TMEM132D: variants seen among roughly 807,000 people sequenced by gnomAD.
TMEM132D encodes the protein mature OL transmembrane protein.
In TMEM132D, 21 loss-of-function variants were observed where a neutral mutation model predicts 62.3. That is an observed-to-expected ratio of 0.34 (90% CI 0.24 to 0.49). TMEM132D has a LOEUF of 0.49. TMEM132D is among the 20% of genes least tolerant of loss of function. The pLI is 0.99. For synonymous variants in TMEM132D, 621 were observed against 575.6 expected (o/e 1.08, Z -1.13); for missense variants, 1,346 against 1,402.8 (o/e 0.96, Z 0.65).
chr12:129,164,792 T>C (rs1035041352), intron 5 of TMEM132D, among the ~76,000 whole-genome samples: 1 of 152,206 alleles, frequency 6.6e-6, no homozygotes, highest in Non-Finnish European at 1.5e-5. Flanking sequence ...CTCCACCTGG[T>C]ATCTCCCTTG....
chr12:129,803,789 C>G (rs1047541186), intron 1 of TMEM132D, among the ~76,000 whole-genome samples: 1 of 151,456 alleles, frequency 6.6e-6, no homozygotes, highest in Non-Finnish European at 1.5e-5. Flanking sequence ...AGATAGACCG[C>G]TAGCAAGACT....
intron 2 of TMEM132D, among the ~76,000 whole-genome samples, chr12:129,608,845 A>T (rs1320350448): frequency 1.3e-5 from 2 of 152,150 alleles, no homozygotes; most frequent in East Asian, 3.9e-4. Context: ...ACTCGCACTC[A>T]AATTGCCTGG....
intron 1 of TMEM132D, among the ~76,000 whole-genome samples, chr12:129,832,585 T>C (rs1322759959): frequency 6.6e-6 from 1 of 152,062 alleles, no homozygotes; most frequent in East Asian, 1.9e-4. Flanking sequence ...CATATCTGAG[T>C]ATTTTTGTGG....
chr12:129,513,805 T>TTTA (rs1381520859), intron 3 of TMEM132D, among the ~76,000 whole-genome samples: 3 of 47,488 alleles, frequency 6.3e-5, no homozygotes, highest in Non-Finnish European at 9.6e-5. Context: ...AATTTTTATT[T>TTTA]TTATTTATTT....
intron 1 of TMEM132D, among the ~76,000 whole-genome samples, chr12:129,876,029 A>G (rs1392969845): frequency 6.6e-6 from 1 of 152,134 alleles, no homozygotes; most frequent in Non-Finnish European, 1.5e-5. Flanking sequence ...TGTTTTCAGC[A>G]TTGTTAAAAT....
intron 3 of TMEM132D, among the ~76,000 whole-genome samples, chr12:129,453,342 C>G (rs1352477284): frequency 6.6e-6 from 1 of 151,780 alleles, no homozygotes; most frequent in Non-Finnish European, 1.5e-5. Context: ...CGCAAGGTGT[C>G]TCTTTGCCTG....
intron 4 of TMEM132D, among the ~76,000 whole-genome samples, chr12:129,215,325 T>C (rs949094006): frequency 9.9e-5 from 15 of 152,100 alleles, no homozygotes; most frequent in African/African-American, 3.6e-4. Flanking sequence ...CTGGGGCCTA[T>C]GTGAGGGTGG....
At position 129,103,750 on chromosome 12, in the gene TMEM132D, GACAA is replaced by G. The variant is rs535419776; in HGVS notation, c.1444-19052_1444-19049del. On this transcript the variant is annotated intron_variant, in intron 5 of 8. Transcript: ENST00000422113. ...CAAGCATTCCTATACACCAACAACA[GACAA>G]ACAGAGAGCCAAATCATGAGTGAAC... is the stretch of plus-strand genomic sequence containing the variant. Among the ~76,000 whole-genome samples the G allele has an allele frequency of 8.5e-4, 129 of 152,232 alleles. 1 individual carries two copies. The South Asian group carries it at 9.8e-3, about 12-fold the overall frequency.
chr12:129,254,330 A>G (rs1214766958), intron 4 of TMEM132D, among the ~76,000 whole-genome samples: 1 of 152,212 alleles, frequency 6.6e-6, no homozygotes, highest in African/African-American at 2.4e-5. Context: ...GTGCCCAAAT[A>G]TGTGCAACTA....
At chr12:129,223,206 T>C (rs1879392651) in intron 4 of TMEM132D, among the ~76,000 whole-genome samples, 1 of 151,986 alleles carries the variant, frequency 6.6e-6, no homozygotes, top group African/African-American at 2.4e-5. Context: ...CTGTATCACC[T>C]TTTGGAACCT....
At chr12:129,264,305 C>T (rs1880629446) in intron 4 of TMEM132D, among the ~76,000 whole-genome samples, 2 of 152,256 alleles carry the variant, frequency 1.3e-5, no homozygotes, top group Non-Finnish European at 1.5e-5. Context: ...GGGAGGATTG[C>T]TTGAGCCTGG....
At chr12:129,376,844 T>G (rs905271789) in intron 3 of TMEM132D, among the ~76,000 whole-genome samples, 2 of 152,172 alleles carry the variant, frequency 1.3e-5, no homozygotes, top group Non-Finnish European at 2.9e-5. Flanking sequence ...AAACAGAACT[T>G]AAGTTCAACC....
At chr12:129,090,256 C>G (rs573915105) in intron 5 of TMEM132D, among the ~76,000 whole-genome samples, 1 of 152,244 alleles carries the variant, frequency 6.6e-6, no homozygotes, top group Admixed American at 6.5e-5. Context: ...TCATCTGTGG[C>G]CTGGCCACAG....
chr12:129,321,432 C>T (rs1249935393), intron 4 of TMEM132D, among the ~76,000 whole-genome samples: 4 of 152,194 alleles, frequency 2.6e-5, no homozygotes, highest in Non-Finnish European at 5.9e-5. Context: ...TATTTTCTCT[C>T]GTTATTCAGA....
At position 129,074,607 on chromosome 12, in the gene TMEM132D, C is replaced by T. The variant is rs200137658; in HGVS notation, c.2568G>A (p.Thr856=). Residue 856 remains threonine, a synonymous_variant, in exon 9 of 9, where the codon ACG becomes ACA. Coordinates refer to ENST00000422113, the MANE Select transcript of TMEM132D (RefSeq NM_133448.3). Reference sequence around the variant, plus strand: ...TCTTCTGCAGGATGGACCTGTCTGTCGTGGTGCCCCGTCCCTCCATGAGTC... The same window carrying T: ...TCTTCTGCAGGATGGACCTGTCTGTTGTGGTGCCCCGTCCCTCCATGAGTC... The part of the protein sequence containing the change: ...SMGLMEGRGT[T]TDRSILQKKK... The T allele has an allele frequency of 1.1e-4, 180 of 1,614,034 alleles. No individual in the cohort carries two copies. The highest frequency in any genetic ancestry group is 4.3e-4 in the Admixed American group (26 of 60,004).
intron 2 of TMEM132D, among the ~76,000 whole-genome samples, chr12:129,661,974 C>T: frequency 6.6e-6 from 1 of 152,124 alleles, no homozygotes; most frequent in East Asian, 1.9e-4. Flanking sequence ...AATGATTAAG[C>T]CTTGATTATT....
rs61942079 is a variant in TMEM132D, at chr12:129,802,493, A to C, written c.79+100768T>G. Among the ~76,000 whole-genome samples, 5 of 111,964 alleles carry C rather than the reference A, an allele frequency of 4.5e-5. No homozygotes were observed. In the South Asian group the frequency reaches 9.7e-4, roughly 22 times the overall value. 73.5% of individuals were successfully genotyped at this position (111,964 alleles called of 152,430 possible). On this transcript the variant is annotated intron_variant, in intron 1 of 8. Transcript: ENST00000422113. ...CTTTACAGACAAGCAAATGCTGAGA[A>C]ATTTTGTCACCACCAGGCCTGCCCT...
intron 3 of TMEM132D, among the ~76,000 whole-genome samples, chr12:129,434,949 A>G (rs1872749888): frequency 2.0e-5 from 3 of 152,102 alleles, no homozygotes; most frequent in South Asian, 4.2e-4. Flanking sequence ...TCATGGCCCA[A>G]TAGCTCACCA....
chr12:129,748,932 C>T (rs115875845), intron 1 of TMEM132D, among the ~76,000 whole-genome samples: 2,047 of 152,270 alleles, frequency 0.013, 45 homozygotes, highest in African/African-American at 0.045. Flanking sequence ...AGGACATCTG[C>T]CTGGACCATT....
Sources: allele counts gnomAD v4.1 joint callset (sites outside exome capture counted in the v4.1 genomes callset), GRCh38; gene constraint gnomAD v4.1.1; transcripts MANE v1.5; gene names NCBI Gene and HGNC (gene_info 2026-07-23, HGNC 2026-07-21).